The following ACOT1 variants were observed in gnomAD, a reference collection of about 807,000 sequenced individuals.
The protein encoded by ACOT1 is acyl-CoA thioesterase 1, also known as acyl-coenzyme A thioesterase 1.
A neutral mutation model predicts 15.7 loss-of-function variants in ACOT1; 8 were observed. The observed-to-expected ratio is 0.51, with a 90% CI of 0.30 to 0.92. The LOEUF is 0.92. Ranked by LOEUF, ACOT1 falls within the 40% of genes least tolerant of loss-of-function variation. The probability of loss-of-function intolerance (pLI) is 0.06; values close to 1 mark genes in which losing one functional copy is unlikely to be tolerated. For missense variants in ACOT1, 151 were observed against 539.4 expected (o/e 0.28, Z 7.13); for synonymous variants, 67 against 241.2 (o/e 0.28, Z 6.69).
At chr14:73,517,734 G>A in the ACOT1 span, among the ~76,000 whole-genome samples, 853 of 150,872 alleles carry the variant, frequency 5.7e-3, 2 homozygotes, top group Middle Eastern at 0.01. Flanking sequence ...GAGAGGAAAG[G>A]GAGACATGAA....
chr14:73,501,205 G>A, the ACOT1 span, among the ~76,000 whole-genome samples: 8 of 151,758 alleles, frequency 5.3e-5, no homozygotes, highest in East Asian at 7.8e-4. Context: ...TGCAAGCGCC[G>A]CCTCCTGGGT....
chr14:73,506,378 G>A, the ACOT1 span: 1 of 836,222 alleles, frequency 1.2e-6, no homozygotes. Flanking sequence ...TGGTAAGAAT[G>A]GAATAATACA....
the ACOT1 span, chr14:73,493,321 G>T: frequency 1.8e-6 from 1 of 561,122 alleles, no homozygotes; most frequent in Non-Finnish European, 3.2e-6. Context: ...TGGGCGGGTC[G>T]GGGTCAGTAT....
chr14:73,538,611 CA>C (rs59948219), intron 1 of ACOT1, among the ~76,000 whole-genome samples: 1,825 of 27,216 alleles, frequency 0.067, 93 homozygotes, highest in South Asian at 0.23. Context: ...GACTCCGTCT[CA>C]AAAAAAAAAA....
chr14:73,504,137 G>C, the ACOT1 span, among the ~76,000 whole-genome samples: 1 of 150,830 alleles, frequency 6.6e-6, no homozygotes, highest in African/African-American at 2.4e-5. Flanking sequence ...GAGTGCAATG[G>C]CACGATCTCG....
At chr14:73,531,569 C>T in the ACOT1 span, among the ~76,000 whole-genome samples, 1 of 108,620 alleles carries the variant, frequency 9.2e-6, no homozygotes, top group Non-Finnish European at 2.0e-5. Context: ...CCACCACGCC[C>T]CACTAATTGT....
chr14:73,509,342 G>C, the ACOT1 span: 1,567 of 1,614,088 alleles, frequency 9.7e-4, 1 homozygote, highest in Non-Finnish European at 1.3e-3. Flanking sequence ...ATGATGTTCC[G>C]GGCAAGGGGA....
At chr14:73,491,834 G>A in the ACOT1 span, 3 of 1,608,124 alleles carry the variant, frequency 1.9e-6, no homozygotes, top group African/African-American at 4.0e-5. Flanking sequence ...CGGACGACGC[G>A]AGACCCTGAA....
chr14:73,511,520 AAAATAAATAAAT>A, the ACOT1 span, among the ~76,000 whole-genome samples: 883 of 141,746 alleles, frequency 6.2e-3, 8 homozygotes, highest in South Asian at 0.033. Flanking sequence ...CTCTGTCTCA[AAAATAAATAAAT>A]AAATAAATAA....
the ACOT1 span, among the ~76,000 whole-genome samples, chr14:73,513,008 G>C: frequency 2.6e-5 from 4 of 152,168 alleles, no homozygotes; most frequent in South Asian, 4.1e-4. Flanking sequence ...TCCTATCTTT[G>C]AAGGCAAAGT....
the ACOT1 span, among the ~76,000 whole-genome samples, chr14:73,528,066 G>T: frequency 1.3e-5 from 2 of 150,026 alleles, no homozygotes; most frequent in Admixed American, 6.7e-5. Context: ...AAACATCCCA[G>T]AAAGAATACC....
At chr14:73,510,674 G>A in the ACOT1 span, among the ~76,000 whole-genome samples, 1 of 152,188 alleles carries the variant, frequency 6.6e-6, no homozygotes, top group African/African-American at 2.4e-5. Flanking sequence ...GACTTCAGGT[G>A]ATCCACCTGC....
At chr14:73,494,687 A>T in the ACOT1 span, among the ~76,000 whole-genome samples, 2 of 152,074 alleles carry the variant, frequency 1.3e-5, no homozygotes, top group Non-Finnish European at 2.9e-5. Flanking sequence ...AGTAGATAGG[A>T]CTACCAGTGT....
chr14:73,500,943 C>T, the ACOT1 span, among the ~76,000 whole-genome samples: 8 of 152,172 alleles, frequency 5.3e-5, no homozygotes, highest in Admixed American at 6.5e-5. Context: ...TTAGGTAATG[C>T]AGGGCTTTCA....
chr14:73,508,263 C>G, the ACOT1 span: 1 of 1,614,036 alleles, frequency 6.2e-7, no homozygotes, highest in Non-Finnish European at 8.5e-7. Context: ...GAGCCAAGCA[C>G]TGAGCTGCAG....
chr14:73,492,259 C>G, the ACOT1 span: 2 of 1,614,032 alleles, frequency 1.2e-6, no homozygotes, highest in South Asian at 1.1e-5. The surrounding 1 kb of genome is among the most constrained non-coding windows in gnomAD (Gnocchi z 4.9). Context: ...ATGGAGTCCA[C>G]TCTCTGCACC....
At chr14:73,506,804 G>GTTTTTTGTT in the ACOT1 span, among the ~76,000 whole-genome samples, 1 of 80,522 alleles carries the variant, frequency 1.2e-5, no homozygotes, top group African/African-American at 4.9e-5. Context: ...GACTTTAACT[G>GTTTTTTGTT]TTTTTTTTTT....
the ACOT1 span, chr14:73,491,795 C>T: frequency 6.3e-7 from 1 of 1,591,848 alleles, no homozygotes; most frequent in Non-Finnish European, 8.5e-7. Flanking sequence ...GCAGTTCGGC[C>T]AGCATTTGGA....
At chr14:73,522,165 G>T in the ACOT1 span, 1 of 1,179,286 alleles carries the variant, frequency 8.5e-7, no homozygotes, top group Non-Finnish European at 1.2e-6. Context: ...AGAACATGAA[G>T]TTGATGGGAG....
Sources: allele counts gnomAD v4.1 joint callset (sites outside exome capture counted in the v4.1 genomes callset), GRCh38; gene constraint gnomAD v4.1.1; non-coding constraint Gnocchi (gnomAD v3.1); transcripts MANE v1.5; gene names NCBI Gene and HGNC (gene_info 2026-07-23, HGNC 2026-07-21).